PDE1C: variants seen among roughly 807,000 people sequenced by gnomAD.
PDE1C encodes phosphodiesterase 1C.
PDE1C carries 62 observed loss-of-function variants against 93.1 expected under a neutral mutation model. That is an observed-to-expected ratio of 0.67 (90% CI 0.54 to 0.82). PDE1C has a LOEUF of 0.82. Among genes scored for constraint, PDE1C ranks in the 40% least tolerant of loss-of-function variants. The pLI is 0.00. For missense variants in PDE1C, 742 were observed against 884.6 expected (o/e 0.84, Z 2.04); for synonymous variants, 325 against 310.1 (o/e 1.05, Z -0.50).
In PDE1C at chr7:32,416,003, G is replaced by C. The variant is rs1047903529; in HGVS notation, c.310+11819C>G. Among the ~76,000 whole-genome samples, 6 of 152,206 alleles carry C rather than the reference G, an allele frequency of 3.9e-5. No homozygotes were observed. In the East Asian group the frequency reaches 1.2e-3, roughly 29 times the overall value. On this transcript the variant is annotated intron_variant, in intron 1 of 1. Coordinates refer to the PDE1C transcript ENST00000672256. ...ACAGCACAGAGGGCCCAGGTGCCAG[G>C]CTCCACCAGGGTGGAGGGGCAACGG...
intron 3 of PDE1C, among the ~76,000 whole-genome samples, chr7:32,119,483 A>C (rs780574199): frequency 2.0e-5 from 3 of 152,186 alleles, no homozygotes; most frequent in Non-Finnish European, 4.4e-5. Context: ...GGTGGTTGGC[A>C]ACTCAAAACA....
chr7:31,670,721 C>A, the PDE1C span, among the ~76,000 whole-genome samples: 1 of 152,122 alleles, frequency 6.6e-6, no homozygotes, highest in Non-Finnish European at 1.5e-5. Context: ...AAGGTCCCCA[C>A]CCCTCAAGCC....
chr7:32,253,964 T>C (rs1476962408), intron 1 of PDE1C, among the ~76,000 whole-genome samples: 1 of 152,112 alleles, frequency 6.6e-6, no homozygotes, highest in East Asian at 1.9e-4. Context: ...GGGATCAGCA[T>C]GACGCATTTG....
At chr7:31,618,467 A>AGAAG in the PDE1C span, among the ~76,000 whole-genome samples, 1 of 152,122 alleles carries the variant, frequency 6.6e-6, no homozygotes, top group Non-Finnish European at 1.5e-5. Context: ...CTTTTGGTCA[A>AGAAG]GAAGGGAAAT....
chr7:32,245,434 T>C (rs1363219460), intron 1 of PDE1C, among the ~76,000 whole-genome samples: 1 of 152,222 alleles, frequency 6.6e-6, no homozygotes, highest in Non-Finnish European at 1.5e-5. Flanking sequence ...AGAATTCATT[T>C]CTGTGAGCTT....
chr7:31,989,146 AAC>A (rs1783845948), intron 2 of PDE1C, among the ~76,000 whole-genome samples: 1 of 152,032 alleles, frequency 6.6e-6, no homozygotes, highest in African/African-American at 2.4e-5. Context: ...AAAGAAGACA[AAC>A]ACAAATAAAT....
intron 1 of PDE1C, among the ~76,000 whole-genome samples, chr7:32,289,680 A>T (rs1358627010): frequency 1.3e-5 from 2 of 152,176 alleles, no homozygotes; most frequent in African/African-American, 2.4e-5. Flanking sequence ...CTTACTTATT[A>T]CTTTGACCTT....
chr7:32,240,811 G>A (rs935718704), intron 1 of PDE1C, among the ~76,000 whole-genome samples: 4 of 152,162 alleles, frequency 2.6e-5, no homozygotes, highest in African/African-American at 9.7e-5. Flanking sequence ...ATTGGTGGGT[G>A]GAAGCAGGGA....
intron 2 of PDE1C, among the ~76,000 whole-genome samples, chr7:32,037,403 C>T (rs30572): frequency 0.7 from 106,809 of 151,918 alleles, 37,825 homozygotes; most frequent in Middle Eastern, 0.8. Flanking sequence ...CATAGCAATC[C>T]TTCCCTTCTC....
intron 1 of PDE1C, among the ~76,000 whole-genome samples, chr7:32,064,951 CT>C (rs1795209070): frequency 2.0e-5 from 3 of 148,916 alleles, no homozygotes; most frequent in Non-Finnish European, 4.4e-5. Context: ...ACACATTAAG[CT>C]TTTAAGGAAA....
At chr7:31,946,982 G>C (rs1022484137) in intron 2 of PDE1C, among the ~76,000 whole-genome samples, 4 of 152,212 alleles carry the variant, frequency 2.6e-5, no homozygotes, top group African/African-American at 9.6e-5. Flanking sequence ...ATCTGGCTAG[G>C]AGTTGAGCTA....
the PDE1C span, among the ~76,000 whole-genome samples, chr7:31,692,143 CTG>C: frequency 3.9e-5 from 6 of 152,224 alleles, no homozygotes; most frequent in South Asian, 1.2e-3. Flanking sequence ...CAATGTGTCT[CTG>C]AGAGAGGGCA....
At chr7:31,941,049 G>A (rs1374400343) in intron 2 of PDE1C, among the ~76,000 whole-genome samples, 1 of 151,894 alleles carries the variant, frequency 6.6e-6, no homozygotes, top group Non-Finnish European at 1.5e-5. Context: ...TCTTCTAAGT[G>A]GAAACATGGA....
intron 2 of PDE1C, among the ~76,000 whole-genome samples, chr7:31,950,687 C>G (rs1274417257): frequency 1.3e-5 from 2 of 152,186 alleles, no homozygotes; most frequent in Non-Finnish European, 2.9e-5. Context: ...CGTTCACAAT[C>G]TTTATTTTTT....
rs1367067634 is a variant in PDE1C at position 32,193,919 on chromosome 7, T to TC, written c.136+15569_136+15570insG. Among the ~76,000 whole-genome samples the TC allele has an allele frequency of 4.3e-3, 570 of 133,748 alleles. 6 individuals are homozygous for TC. Among genetic ancestry groups the TC allele is most frequent in the African/African-American group, 0.016 (544 of 34,208 alleles). The allele number at this position is 133,748 out of a possible 152,430, so 87.7% of individuals were successfully genotyped here. A position where few individuals can be genotyped will look rare whatever the true frequency, so the allele number is the denominator to read the frequency against. On this transcript the variant is annotated intron_variant, in intron 2 of 18. Coordinates refer to the PDE1C transcript ENST00000396193. ...TTTTTTTTTTTGGTTTTGTTTTGTT[T>TC]TTTTTTTTTTTTTGAGACGGAGTCT... is the stretch of plus-strand genomic sequence containing the variant.
chr7:32,146,371 G>A (rs1284921278), intron 3 of PDE1C, among the ~76,000 whole-genome samples: 1 of 152,094 alleles, frequency 6.6e-6, no homozygotes, highest in Non-Finnish European at 1.5e-5. Context: ...CACAGTGTTG[G>A]CAGTGCCTCG....
At chr7:32,207,534 C>T (rs1200323495) in intron 2 of PDE1C, among the ~76,000 whole-genome samples, 1 of 152,172 alleles carries the variant, frequency 6.6e-6, no homozygotes, top group African/African-American at 2.4e-5. Flanking sequence ...ATCTTTCCCT[C>T]TCTAGACTAC....
intron 2 of PDE1C, among the ~76,000 whole-genome samples, chr7:32,035,551 A>G (rs1790949930): frequency 6.6e-6 from 1 of 152,212 alleles, no homozygotes; most frequent in African/African-American, 2.4e-5. Flanking sequence ...TTTAAAAGGA[A>G]GAGAATAAAG....
intron 1 of PDE1C, among the ~76,000 whole-genome samples, chr7:32,337,760 T>C (rs184308241): frequency 1.4e-4 from 21 of 151,514 alleles, no homozygotes; most frequent in African/African-American, 4.4e-4. Context: ...ACTGAGCCAA[T>C]GGAGATTCAG....
Sources: gnomAD v4.1 joint callset for allele counts (sites outside exome capture counted in the v4.1 genomes callset) on GRCh38, gnomAD v4.1.1 for gene constraint, MANE v1.5 for transcripts, NCBI Gene and HGNC (gene_info 2026-07-23, HGNC 2026-07-21) for gene names.